Variants in FAM222A observed in about 807,000 individuals in gnomAD.
FAM222A encodes family with sequence similarity 222 member A.
FAM222A carries 7 observed loss-of-function variants against 25.8 expected under a neutral mutation model. The ratio of observed to expected loss-of-function variants is 0.27; its 90% CI spans 0.15 to 0.51. FAM222A has a LOEUF of 0.51. FAM222A is among the 20% of genes least tolerant of loss of function. The pLI, the probability that FAM222A is intolerant of heterozygous loss-of-function variation, is 0.97. For missense variants in FAM222A, 573 were observed against 640.5 expected (o/e 0.89, Z 1.14); for synonymous variants, 294 against 298.8 (o/e 0.98, Z 0.17).
intron 2 of FAM222A, among the ~76,000 whole-genome samples, chr12:109,751,292 C>T (rs1790128108): frequency 6.6e-6 from 1 of 151,764 alleles, no homozygotes; most frequent in African/African-American, 2.4e-5. Context: ...AAATTTTTTC[C>T]TTCTTGATGA....
chr12:109,737,906 C>T (rs11068047), intron 1 of FAM222A, among the ~76,000 whole-genome samples: 27,612 of 151,784 alleles, frequency 0.18, 2,720 homozygotes, highest in Middle Eastern at 0.28. Flanking sequence ...GGGGAGGGAG[C>T]GGCAGGAGGG....
intron 2 of FAM222A, among the ~76,000 whole-genome samples, chr12:109,765,880 T>C (rs184940630): frequency 6.6e-5 from 10 of 152,316 alleles, no homozygotes; most frequent in Non-Finnish European, 1.2e-4. Context: ...AAGGTATTAA[T>C]ACTCACGCTC....
Position 109,769,349 on chromosome 12 carries a change from GAACAGGGTGGGCGGC to G in FAM222A, c.*62_*76del, listed in dbSNP as rs1889175869. The G allele has an allele frequency of 6.7e-7, 1 of 1,499,580 alleles. No individual in the cohort carries two copies. Among genetic ancestry groups the G allele is most frequent in the Admixed American group, 2.1e-5 (1 of 48,564 alleles). 92.9% of individuals were successfully genotyped at this position (1,499,580 alleles called of 1,614,324 possible). A position where few individuals can be genotyped will look rare whatever the true frequency, so the allele number is the denominator to read the frequency against. On this transcript the variant is annotated 3_prime_UTR_variant, in exon 3 of 3. Coordinates refer to ENST00000538780, the MANE Select transcript of FAM222A (RefSeq NM_032829.3). ...GCGCAGAGCCGGGAGGCAGGCCGCAGAACAGGGTGGGCGGCTCGCAGGGGCGCTCAGCCCCACCCT... is the reference window on the plus strand; with the variant it reads ...GCGCAGAGCCGGGAGGCAGGCCGCAGTCGCAGGGGCGCTCAGCCCCACCCT...
At chr12:109,730,109 G>A (rs923546025) in intron 1 of FAM222A, among the ~76,000 whole-genome samples, 4 of 152,122 alleles carry the variant, frequency 2.6e-5, no homozygotes, top group African/African-American at 4.8e-5. Flanking sequence ...TGTGGCCTGC[G>A]TCCACTCTTC....
intron 2 of FAM222A, among the ~76,000 whole-genome samples, chr12:109,763,188 T>C (rs1888947753): frequency 6.6e-6 from 1 of 152,142 alleles, no homozygotes; most frequent in Non-Finnish European, 1.5e-5. Flanking sequence ...GGAAGTAGGG[T>C]GAAGACAGCC....
intron 2 of FAM222A, among the ~76,000 whole-genome samples, chr12:109,759,791 G>A (rs771734991): frequency 4.6e-5 from 7 of 152,234 alleles, no homozygotes; most frequent in Non-Finnish European, 1.0e-4. Context: ...AGGCCTGGGA[G>A]CGGGATTCTT....
At chr12:109,737,610 T>C (rs1010664706) in intron 1 of FAM222A, among the ~76,000 whole-genome samples, 7 of 147,050 alleles carry the variant, frequency 4.8e-5, no homozygotes, top group Non-Finnish European at 1.0e-4. Flanking sequence ...AAGGTAAAAA[T>C]CCCCTTCTGG....
chr12:109,725,493 G>T (rs1249484953), intron 1 of FAM222A, among the ~76,000 whole-genome samples: 1 of 130,960 alleles, frequency 7.6e-6, no homozygotes. Context: ...CCAACTGTGT[G>T]TGCCAGCAGC....
At chr12:109,737,923 G>A (rs1160534392) in intron 1 of FAM222A, among the ~76,000 whole-genome samples, 1 of 152,128 alleles carries the variant, frequency 6.6e-6, no homozygotes, top group Admixed American at 6.5e-5. Context: ...AGGGAGGTGG[G>A]GATGGGCTTC....
rs956752841 is a variant in FAM222A at position 109,744,279 on chromosome 12, C to T, written c.82+51C>T. 228 of 1,567,336 alleles carry T rather than the reference C, an allele frequency of 1.5e-4. 1 individual carries two copies. The highest frequency in any genetic ancestry group is 1.9e-4 in the Non-Finnish European group (217 of 1,157,258). On this transcript the variant is annotated intron_variant, in intron 2 of 2. Transcript: ENST00000538780. ...TGCAGGGCAGGTCGTGGGCAGAGAA[C>T]GCCATTCACCCCCCAGGATGTCCAC...
At position 109,738,255 on chromosome 12, in the gene FAM222A, C is replaced by G. The variant is rs1888139595; in HGVS notation, c.-46-5846C>G. Reference sequence around the variant, plus strand: ...GCTGCCCCTCATTATTTAGAGAGGTCTGGACTTTCTGAGGCTTTCTACTTG... The same window carrying G: ...GCTGCCCCTCATTATTTAGAGAGGTGTGGACTTTCTGAGGCTTTCTACTTG... On this transcript the variant is annotated intron_variant, in intron 1 of 2. Coordinates refer to ENST00000538780, the MANE Select transcript of FAM222A (RefSeq NM_032829.3). Among the ~76,000 whole-genome samples the G allele has an allele frequency of 2.6e-5, 4 of 152,296 alleles. No homozygotes were observed. The South Asian group carries it at 8.3e-4, about 32-fold the overall frequency.
chr12:109,760,437 A>G (rs1412048301), intron 2 of FAM222A, among the ~76,000 whole-genome samples: 1 of 152,186 alleles, frequency 6.6e-6, no homozygotes, highest in Non-Finnish European at 1.5e-5. Flanking sequence ...AGCAGGAGCC[A>G]GGGGGATGGA....
chr12:109,727,643 G>T (rs1020138008), intron 1 of FAM222A, among the ~76,000 whole-genome samples: 2 of 152,198 alleles, frequency 1.3e-5, no homozygotes, highest in African/African-American at 4.8e-5. Flanking sequence ...CAGGCAACTT[G>T]CCACGCTGGC....
intron 1 of FAM222A, among the ~76,000 whole-genome samples, chr12:109,743,641 A>G (rs1401415934): frequency 6.6e-6 from 1 of 152,206 alleles, no homozygotes; most frequent in African/African-American, 2.4e-5. Flanking sequence ...GTAACCTGGG[A>G]CACCCATGTA....
At chr12:109,751,842 T>G (rs1888567203) in intron 2 of FAM222A, among the ~76,000 whole-genome samples, 1 of 152,214 alleles carries the variant, frequency 6.6e-6, no homozygotes, top group Admixed American at 6.5e-5. Context: ...TTTTTCTGCT[T>G]CTTAGCCCTA....
In FAM222A at chr12:109,741,667, C is replaced by T. The variant is rs1201963610; in HGVS notation, c.-46-2434C>T. On this transcript the variant is annotated intron_variant, in intron 1 of 2. Coordinates refer to ENST00000538780, the MANE Select transcript of FAM222A (RefSeq NM_032829.3). ...CCCAGTAAAAGGCTGGAGATAGGGC[C>T]GGGCATGGCCAGGACTCTGGAAGAA... Among the ~76,000 whole-genome samples the T allele has an allele frequency of 9.8e-5, 15 of 152,338 alleles. 2 individuals carry two copies. The highest frequency in any genetic ancestry group is 3.9e-4 in the East Asian group (2 of 5,182).
At chr12:109,742,611 C>T (rs1373714306) in intron 1 of FAM222A, among the ~76,000 whole-genome samples, 2 of 142,240 alleles carry the variant, frequency 1.4e-5, no homozygotes, top group African/African-American at 5.2e-5. Context: ...CTCTCTCGCT[C>T]TTTTTTTTTT....
chr12:109,719,175 T>G (rs1354499308), intron 1 of FAM222A, among the ~76,000 whole-genome samples: 1 of 152,206 alleles, frequency 6.6e-6, no homozygotes, highest in Non-Finnish European at 1.5e-5. Flanking sequence ...CATGCCTGGA[T>G]ACAGGTCACC....
intron 1 of FAM222A, chr12:109,722,569 C>A (rs73407751): frequency 0.11 from 16,055 of 152,272 alleles, 1,752 homozygotes; most frequent in East Asian, 0.43. Flanking sequence ...CAGAGTCCTC[C>A]TCTCCAGGCA....
Sources: allele counts gnomAD v4.1 joint callset (sites outside exome capture counted in the v4.1 genomes callset), GRCh38; gene constraint gnomAD v4.1.1; transcripts MANE v1.5; gene names NCBI Gene and HGNC (gene_info 2026-07-23, HGNC 2026-07-21).